B3GAT2: variants seen among roughly 807,000 people sequenced by gnomAD.
The protein encoded by B3GAT2 is beta-1,3-glucuronyltransferase 2.
In B3GAT2, 26 loss-of-function variants were observed where a neutral mutation model predicts 27.8. The ratio of observed to expected loss-of-function variants is 0.93; its 90% CI spans 0.68 to 1.30. The LOEUF is 1.30. Among genes scored for constraint, B3GAT2 ranks in the 50% most tolerant of loss-of-function variants. The pLI, the probability that B3GAT2 is intolerant of heterozygous loss-of-function variation, is 0.00. For missense variants in B3GAT2, 458 were observed against 459.0 expected, an observed-to-expected ratio of 1.00 and a Z score of 0.02; for synonymous variants, 218 against 195.1, an observed-to-expected ratio of 1.12 and a Z score of -0.98.
intron 1 of B3GAT2, among the ~76,000 whole-genome samples, chr6:70,899,594 G>C (rs544517939): frequency 6.6e-6 from 1 of 152,312 alleles, no homozygotes; most frequent in Non-Finnish European, 1.5e-5. Context: ...AACTCAAACA[G>C]ATCCAGATGC....
intron 1 of B3GAT2, among the ~76,000 whole-genome samples, chr6:70,939,329 G>A (rs1290944549): frequency 1.4e-5 from 2 of 141,390 alleles, no homozygotes; most frequent in Non-Finnish European, 3.0e-5. Flanking sequence ...CATTGTGGAA[G>A]TCAGTGCGGC....
intron 1 of B3GAT2, among the ~76,000 whole-genome samples, chr6:70,911,284 G>A (rs561265175): frequency 2.0e-5 from 3 of 152,150 alleles, no homozygotes; most frequent in South Asian, 2.1e-4. Context: ...GGGTTTTATA[G>A]TTTTTACAGT....
chr6:70,893,937 C>T (rs1200595382), intron 2 of B3GAT2, among the ~76,000 whole-genome samples, 191 bp downstream of exon 2: 1 of 152,140 alleles, frequency 6.6e-6, no homozygotes, highest in Non-Finnish European at 1.5e-5. Context: ...AATCACCCTC[C>T]AAATCAATTT....
chr6:70,934,795 A>C (rs941540590), intron 1 of B3GAT2, among the ~76,000 whole-genome samples: 2 of 152,224 alleles, frequency 1.3e-5, no homozygotes, highest in Admixed American at 6.5e-5. Flanking sequence ...TATCTCTAGC[A>C]ATCTGTAATA....
chr6:70,920,060 A>T (rs560322914), intron 1 of B3GAT2, among the ~76,000 whole-genome samples: 36 of 152,260 alleles, frequency 2.4e-4, no homozygotes, highest in Non-Finnish European at 1.0e-4. Context: ...GGCTCCGTCC[A>T]GTTCAAGCTT....
At chr6:70,875,802 G>GA (rs987727088) in intron 2 of B3GAT2, among the ~76,000 whole-genome samples, 1 of 152,020 alleles carries the variant, frequency 6.6e-6, no homozygotes, top group Non-Finnish European at 1.5e-5. Flanking sequence ...ATTTTCCATG[G>GA]AAAAAAGTGA....
intron 1 of B3GAT2, among the ~76,000 whole-genome samples, chr6:70,941,795 T>C (rs1765397406): frequency 6.6e-6 from 1 of 152,172 alleles, no homozygotes; most frequent in Non-Finnish European, 1.5e-5. Flanking sequence ...TTATAATTCA[T>C]TCATTCAAAA....
intron 1 of B3GAT2, among the ~76,000 whole-genome samples, chr6:70,902,114 G>T (rs1201433378): frequency 6.6e-6 from 1 of 152,068 alleles, no homozygotes; most frequent in Non-Finnish European, 1.5e-5. Context: ...GTCTAGGAGG[G>T]GCCTGACTGG....
intron 1 of B3GAT2, among the ~76,000 whole-genome samples, chr6:70,955,126 GACGTA>G (rs1765632706): frequency 6.7e-6 from 1 of 149,450 alleles, no homozygotes; most frequent in South Asian, 2.1e-4. Context: ...CTGCAAAAAA[GACGTA>G]ACCACAGGGC....
chr6:70,936,717 C>T (rs1765286617), intron 1 of B3GAT2, among the ~76,000 whole-genome samples: 2 of 151,892 alleles, frequency 1.3e-5, no homozygotes, highest in South Asian at 2.1e-4. Flanking sequence ...AGAACAAAGA[C>T]ACAACATACC....
rs1279829420 is a variant in B3GAT2 at position 70,956,861 on chromosome 6, G to A, written c.-432C>T. On this transcript the variant is annotated 5_prime_UTR_variant, in exon 1 of 4. Coordinates refer to ENST00000230053, the MANE Select transcript of B3GAT2 (RefSeq NM_080742.3). ...TGCGGGCACAAGGGCTCCAGCCGCG[G>A]GCCCCCAGGACGCTCTCTGGGACGC... The A allele has an allele frequency of 2.7e-5, 28 of 1,027,758 alleles. No homozygotes were observed. The highest frequency in any genetic ancestry group is 3.0e-5 in the Non-Finnish European group (26 of 857,712). 63.7% of individuals were successfully genotyped at this position (1,027,758 alleles called of 1,614,324 possible).
chr6:70,933,959 T>C (rs1434947213), intron 1 of B3GAT2, among the ~76,000 whole-genome samples: 1 of 152,210 alleles, frequency 6.6e-6, no homozygotes, highest in Non-Finnish European at 1.5e-5. Flanking sequence ...GGGAGCTGGA[T>C]ATCAGGGCTT....
chr6:70,946,598 A>G (rs1765487500), intron 1 of B3GAT2, among the ~76,000 whole-genome samples: 1 of 152,190 alleles, frequency 6.6e-6, no homozygotes, highest in Admixed American at 6.5e-5. Context: ...TGAGTGACCT[A>G]CAAAGAGACT....
chr6:70,921,030 G>A (rs1772859586), intron 1 of B3GAT2, among the ~76,000 whole-genome samples: 1 of 152,156 alleles, frequency 6.6e-6, no homozygotes, highest in African/African-American at 2.4e-5. Context: ...TAGGTGACCT[G>A]CCCCTTTTCT....
At chr6:70,909,343 T>A (rs1772650931) in intron 1 of B3GAT2, among the ~76,000 whole-genome samples, 1 of 152,162 alleles carries the variant, frequency 6.6e-6, no homozygotes. Context: ...ATAGATGGGA[T>A]AAAAGAATAT....
intron 1 of B3GAT2, among the ~76,000 whole-genome samples, chr6:70,939,010 G>A (rs1294019706): frequency 6.6e-6 from 1 of 151,728 alleles, no homozygotes; most frequent in Non-Finnish European, 1.5e-5. Context: ...TCTGACAAAG[G>A]GCTAATATCC....
At chr6:70,914,006 T>G (rs1392216574) in intron 1 of B3GAT2, among the ~76,000 whole-genome samples, 1 of 152,208 alleles carries the variant, frequency 6.6e-6, no homozygotes, top group African/African-American at 2.4e-5. Context: ...AAAATTAGAA[T>G]AGTAACTCCT....
At chr6:70,954,768 A>T (rs1475180239) in intron 1 of B3GAT2, among the ~76,000 whole-genome samples, 1 of 152,140 alleles carries the variant, frequency 6.6e-6, no homozygotes, top group Non-Finnish European at 1.5e-5. Context: ...AATCAAGAAG[A>T]TTTTCTTTGG....
At chr6:70,907,131 T>C (rs950318581) in intron 1 of B3GAT2, among the ~76,000 whole-genome samples, 4 of 152,196 alleles carry the variant, frequency 2.6e-5, no homozygotes. Flanking sequence ...TTGGTTCAAA[T>C]GGTAACCAGC....
Sources: allele counts gnomAD v4.1 joint callset (sites outside exome capture counted in the v4.1 genomes callset), GRCh38; gene constraint gnomAD v4.1.1; transcripts MANE v1.5; gene names NCBI Gene and HGNC (gene_info 2026-07-23, HGNC 2026-07-21).